NEIL1: variants seen among roughly 807,000 people sequenced by gnomAD.
The protein encoded by NEIL1 is endonuclease 8-like 1.
Under a neutral mutation model 44.2 loss-of-function variants are expected in NEIL1, and 31 were observed. That is an observed-to-expected ratio of 0.70 (90% CI 0.53 to 0.95). The LOEUF is 0.95. NEIL1 is among the 40% of genes least tolerant of loss of function. The probability of loss-of-function intolerance (pLI) is 0.00; values close to 1 mark genes in which losing one functional copy is unlikely to be tolerated. For missense variants in NEIL1, 549 were observed against 515.5 expected (o/e 1.07, Z -0.63); for synonymous variants, 254 against 209.7 (o/e 1.21, Z -1.83).
At chr15:75,353,547 C>A in intron 5 of NEIL1, 192 bp from the exon 6 acceptor site, 2 of 733,072 alleles carry the variant, frequency 2.7e-6, no homozygotes, top group South Asian at 1.4e-5. Context: ...CTTAATCCCA[C>A]TCCAGGATGG....
Position 75,349,308 on chromosome 15 carries a change from C to G in NEIL1, c.403C>G (p.Pro135Ala), listed in dbSNP as rs761452924. The stretch of plus-strand genomic sequence containing the variant: ...GGGAAAGTGGCAGCCGGGCCGCGGG[C>G]CCTGTGTCTTGCAGGAGTACCAGCA... ...LGGKWQPGRG[P>A]CVLQEYQQFR... The change falls in exon 2 of 10, where the codon CCC becomes GCC. Residue 135 changes from proline (P) to alanine (A), a missense_variant. Physicochemically the swap from Pro to Ala is conservative, Grantham distance 27. Coordinates refer to ENST00000355059, the MANE Select transcript of NEIL1 (RefSeq NM_024608.4). 3 of 1,609,784 alleles carry G rather than the reference C, an allele frequency of 1.9e-6. No individual in the cohort carries two copies. The South Asian group carries it at 3.3e-5, about 18-fold the overall frequency.
intron 1 of NEIL1, 99 bp from the exon 2 acceptor site, chr15:75,348,785 C>A: frequency 6.7e-7 from 1 of 1,493,046 alleles, no homozygotes; most frequent in Non-Finnish European, 8.9e-7. Flanking sequence ...TGGCCACATG[C>A]CCATCTGACC....
Position 75,354,430 on chromosome 15 carries a change from G to A in NEIL1, c.875-1G>A. The A allele has an allele frequency of 6.2e-7, 1 of 1,614,194 alleles. No individual in the cohort carries two copies. Among genetic ancestry groups the A allele is most frequent in the Non-Finnish European group, 8.5e-7 (1 of 1,180,020 alleles). ...CCAACTCCAACACCAGTGTCCTGCA[G>A]GGCGCAAGTCCCGCAAAAAGAAATC... On this transcript the variant is annotated splice_acceptor_variant, in intron 7 of 9. Transcript: ENST00000355059. LOFTEE classifies it high-confidence loss of function.
chr15:75,351,430 T>TA, intron 2 of NEIL1: 1 of 363,430 alleles, frequency 2.8e-6, no homozygotes, highest in Non-Finnish European at 5.3e-6. Context: ...AGTGCATCAC[T>TA]AAGCCCCTGG....
chr15:75,348,661 A>G (rs1438254155), intron 1 of NEIL1: 3 of 1,408,366 alleles, frequency 2.1e-6, no homozygotes, highest in Admixed American at 2.9e-5. Flanking sequence ...GCAGCAAGGC[A>G]GAGTCCTGCT....
Position 75,355,804 on chromosome 15 carries a change from G to T in NEIL1, c.*770G>T. On this transcript the variant is annotated 3_prime_UTR_variant, in exon 10 of 10. Coordinates refer to ENST00000355059, the MANE Select transcript of NEIL1 (RefSeq NM_024608.4). ...CTGAGCAGCAGGGTTCCCGATCCAAGGATTTATTCCACAAGAAAAGACTGA... is the reference window on the plus strand; with the variant it reads ...CTGAGCAGCAGGGTTCCCGATCCAATGATTTATTCCACAAGAAAAGACTGA... 7.3e-7 allele frequency: 1 copy of T among 1,367,472 alleles called. No individual in the cohort carries two copies. Among genetic ancestry groups the T allele is most frequent in the Non-Finnish European group, 9.9e-7 (1 of 1,006,854 alleles). The allele number at this position is 1,367,472 out of a possible 1,614,324, so 84.7% of individuals were successfully genotyped here. A position where few individuals can be genotyped will look rare whatever the true frequency, so the allele number is the denominator to read the frequency against.
rs2071683340 is a variant in NEIL1, at chr15:75,349,198, A to C, written c.293A>C (p.His98Pro). Residue 98 changes from histidine to proline, a missense_variant, in exon 2 of 10, where the codon CAC (histidine) becomes CCC (proline). By Grantham distance (77) the His-to-Pro change is moderately conservative. Transcript: ENST00000355059. ...CGCGAGGAGCTGCCACGCCATGCCC[A>C]CCTGCGCTTTTACACGGCCCCGCCT... is the stretch of plus-strand genomic sequence containing the variant. The part of the protein sequence containing the change: ...VPREELPRHA[H>P]LRFYTAPPGP... The C allele has an allele frequency of 6.2e-7, 1 of 1,609,182 alleles. No individual in the cohort carries two copies. Among genetic ancestry groups the C allele is most frequent in the Non-Finnish European group, 8.5e-7 (1 of 1,179,888 alleles).
At chr15:75,354,927 G>A in intron 9 of NEIL1, 37 bp from the exon 10 acceptor site, 1 of 1,613,166 alleles carries the variant, frequency 6.2e-7, no homozygotes, top group Admixed American at 1.7e-5. Flanking sequence ...GCAGCCCCTG[G>A]AGTCTTAGCT....
intron 6 of NEIL1, 170 bp from the exon 7 acceptor site, chr15:75,354,080 G>A (rs1161164119): frequency 9.8e-7 from 1 of 1,023,796 alleles, no homozygotes; most frequent in Admixed American, 2.0e-5. Context: ...AAGTAGCCAA[G>A]GGCAGAGCAG....
Position 75,348,974 on chromosome 15 carries a change from C to T in NEIL1, c.69C>T (p.Phe23=). The change falls in exon 2 of 10, where the codon TTC becomes TTT. Residue 23 remains phenylalanine (F), a synonymous_variant. Transcript: ENST00000355059. ...ATGAGGCCTGCAGGGCGCTGGTGTT[C>T]GGCGGCTGCGTGGAGAAGTCCTCTG... The part of the protein sequence containing the change: ...FVNEACRALV[F]GGCVEKSSVS... 1.2e-6 allele frequency: 2 copies of T among 1,613,618 alleles called. No homozygotes were observed. The highest frequency in any genetic ancestry group is 1.3e-5 in the African/African-American group (1 of 75,074).
rs993122300 is a variant in NEIL1 at position 75,347,935 on chromosome 15, G to C, written c.-23+462G>C. 8.8e-6 allele frequency: 11 copies of C among 1,248,596 alleles called. No homozygotes were observed. The African/African-American group carries it at 1.7e-4, about 19-fold the overall frequency. 77.3% of individuals were successfully genotyped at this position (1,248,596 alleles called of 1,614,324 possible). A position where few individuals can be genotyped will look rare whatever the true frequency, so the allele number is the denominator to read the frequency against. ...GGGCAAGGTACGGGCGTCTGCCGTC[G>C]CTAAGTGCCCCCTTCCACTTAAGGC... is the stretch of plus-strand genomic sequence containing the variant. On this transcript the variant is annotated intron_variant, in intron 1 of 9. Transcript: ENST00000355059.
Position 75,355,756 on chromosome 15 carries a change from C to A in NEIL1, c.*722C>A. The stretch of plus-strand genomic sequence containing the variant: ...CCAGACTTCCCACCCCCACCCCAAG[C>A]GTGAGGATGGGCCCTAAGGGGACTG... On this transcript the variant is annotated 3_prime_UTR_variant, in exon 10 of 10. Transcript: ENST00000355059. 1.2e-6 allele frequency: 1 copy of A among 813,562 alleles called. No individual in the cohort carries two copies. The highest frequency in any genetic ancestry group is 1.8e-5 in the South Asian group (1 of 54,178). The allele number at this position is 813,562 out of a possible 1,614,324, so 50.4% of individuals were successfully genotyped here. A position where few individuals can be genotyped will look rare whatever the true frequency, so the allele number is the denominator to read the frequency against.
At chr15:75,350,872 C>G (rs1385640849) in intron 2 of NEIL1, among the ~76,000 whole-genome samples, 5 of 152,204 alleles carry the variant, frequency 3.3e-5, no homozygotes, top group Non-Finnish European at 5.9e-5. Context: ...ATCAGGGCAC[C>G]TCCCAGGCTA....
intron 5 of NEIL1, 37 bp downstream of exon 5, chr15:75,352,738 A>G (rs1172671014): frequency 6.6e-7 from 1 of 1,525,662 alleles, no homozygotes; most frequent in Non-Finnish European, 9.0e-7. Flanking sequence ...TGCTTCAGCA[A>G]ATGATTGTGT....
intron 1 of NEIL1, chr15:75,348,477 T>TG (rs1424591547): frequency 5.7e-5 from 59 of 1,032,604 alleles, no homozygotes; most frequent in South Asian, 2.2e-4. Context: ...CTCCCTCAGA[T>TG]GGGGGGTCAG....
chr15:75,349,042 G>A lies in NEIL1; in HGVS notation c.137G>A (p.Arg46His), dbSNP rs778206152. The A allele has an allele frequency of 6.2e-6, 10 of 1,613,444 alleles. No individual in the cohort carries two copies. Among genetic ancestry groups the A allele is most frequent in the African/African-American group, 2.7e-5 (2 of 74,938 alleles). ...GTGCCCTTTGAGAGCAGTGCCTACC[G>A]CATCTCAGCTTCAGCCCGCGGCAAG... Reference protein sequence around the residue: ...PEVPFESSAYRISASARGKEL... With the variant: ...PEVPFESSAYHISASARGKEL... The change falls in exon 2 of 10, where the codon CGC becomes CAC. Residue 46 changes from arginine (R) to histidine (H), a missense_variant. By Grantham distance (29) the Arg-to-His change is conservative. Transcript: ENST00000355059.
chr15:75,348,013 C>A, intron 1 of NEIL1: 1 of 1,189,578 alleles, frequency 8.4e-7, no homozygotes, highest in Non-Finnish European at 1.1e-6. Flanking sequence ...AGTGGCAAAG[C>A]AGGGAGGGCG....
chr15:75,350,300 G>C (rs1396972294), intron 2 of NEIL1, among the ~76,000 whole-genome samples: 2 of 152,224 alleles, frequency 1.3e-5, no homozygotes, highest in East Asian at 3.8e-4. Context: ...TGAACAAGAT[G>C]AATGTGGTCC....
At chr15:75,351,757 G>C (rs918933287) in intron 2 of NEIL1, among the ~76,000 whole-genome samples, 1 of 151,984 alleles carries the variant, frequency 6.6e-6, no homozygotes, top group Non-Finnish European at 1.5e-5. Context: ...CAAGTAGCTG[G>C]GATTACAGGC....
Sources: gnomAD v4.1 joint callset for allele counts (sites outside exome capture counted in the v4.1 genomes callset) on GRCh38, gnomAD v4.1.1 for gene constraint, MANE v1.5 for transcripts, NCBI Gene and HGNC (gene_info 2026-07-23, HGNC 2026-07-21) for gene names.